Variants in ZFHX3 observed in about 807,000 individuals in gnomAD.
ZFHX3 encodes the protein zinc finger homeobox protein 3.
Under a neutral mutation model 279.1 loss-of-function variants are expected in ZFHX3, and 42 were observed. The ratio of observed to expected loss-of-function variants is 0.15; its 90% CI spans 0.12 to 0.19. The LOEUF is 0.19. Among genes scored for constraint, ZFHX3 ranks in the 10% least tolerant of loss-of-function variants. ZFHX3 has a pLI of 1.00. For missense variants in ZFHX3, 4,981 were observed against 4,754.0 expected (o/e 1.05, Z -1.40); for synonymous variants, 2,293 against 1,957.8 (o/e 1.17, Z -4.52).
At position 72,796,707 on chromosome 16, in the gene ZFHX3, A is replaced by T; in HGVS notation, c.5975T>A (p.Phe1992Tyr). 3.7e-6 allele frequency: 6 copies of T among 1,613,844 alleles called. No homozygotes were observed. Among genetic ancestry groups the T allele is most frequent in the Non-Finnish European group, 5.1e-6 (6 of 1,179,964 alleles). The change falls in exon 9 of 10, where the codon TTT becomes TAT. Residue 1992 changes from phenylalanine to tyrosine, a missense_variant. Phe to Tyr is a conservative substitution (Grantham distance 22, BLOSUM62 3). Coordinates refer to ENST00000268489, the MANE Select transcript of ZFHX3 (RefSeq NM_006885.4). The part of the protein sequence containing the change: ...KLECDSCGKL[F>Y]SNILILKSHQ... Reference sequence around the variant, plus strand: ...ACTCTTTAAAATCAAGATGTTGGAAAACAACTTGCCGCAGGAGTCACACTC... The same window carrying T: ...ACTCTTTAAAATCAAGATGTTGGAATACAACTTGCCGCAGGAGTCACACTC...
chr16:73,522,253 G>A (rs1567508633), intron 2 of ZFHX3, among the ~76,000 whole-genome samples: 2 of 152,178 alleles, frequency 1.3e-5, no homozygotes, highest in African/African-American at 4.8e-5. Flanking sequence ...TTACAACCAT[G>A]GCTGGAAAAA....
intron 3 of ZFHX3, among the ~76,000 whole-genome samples, chr16:72,921,861 C>A (rs1213360614): frequency 3.3e-5 from 5 of 152,162 alleles, no homozygotes; most frequent in Non-Finnish European, 7.4e-5. Flanking sequence ...GCAGGCAGTA[C>A]CCCAGGCAAG....
At chr16:73,485,157 G>C (rs1221014725) in intron 2 of ZFHX3, among the ~76,000 whole-genome samples, 1 of 152,126 alleles carries the variant, frequency 6.6e-6, no homozygotes, top group Admixed American at 6.5e-5. Flanking sequence ...TCAAATAGAG[G>C]GTTGAAAAAT....
At chr16:73,861,945 G>A (rs902978639) in intron 1 of ZFHX3, among the ~76,000 whole-genome samples, 7 of 152,140 alleles carry the variant, frequency 4.6e-5, no homozygotes, top group Admixed American at 1.3e-4. Context: ...TTCTGCAGTC[G>A]TCACATCTCA....
intron 2 of ZFHX3, among the ~76,000 whole-genome samples, chr16:73,569,891 T>A (rs916907859): frequency 6.6e-6 from 1 of 151,246 alleles, no homozygotes; most frequent in African/African-American, 2.4e-5. Flanking sequence ...AAGAACAAAC[T>A]GATCATTTAC....
chr16:73,002,234 T>C (rs1217985167), intron 1 of ZFHX3, among the ~76,000 whole-genome samples: 1 of 152,170 alleles, frequency 6.6e-6, no homozygotes, highest in African/African-American at 2.4e-5. Flanking sequence ...TCAAACATGC[T>C]GAACAAGCTT....
At chr16:72,955,208 C>G (rs1200781945) in intron 2 of ZFHX3, among the ~76,000 whole-genome samples, 1 of 152,158 alleles carries the variant, frequency 6.6e-6, no homozygotes, top group South Asian at 2.1e-4. Flanking sequence ...AGGGACTCCC[C>G]GTGGCCGACA....
intron 4 of ZFHX3, among the ~76,000 whole-genome samples, chr16:73,274,146 GA>G (rs970934476): frequency 4.0e-5 from 6 of 150,776 alleles, no homozygotes; most frequent in South Asian, 4.2e-4. Flanking sequence ...TCTGTCTCAG[GA>G]AAAAAAAAGT....
chr16:73,518,239 G>A (rs956419854), intron 2 of ZFHX3, among the ~76,000 whole-genome samples: 2 of 152,232 alleles, frequency 1.3e-5, no homozygotes, highest in African/African-American at 2.4e-5. Context: ...GCCTTCTTTC[G>A]CTGGACTACT....
intron 2 of ZFHX3, among the ~76,000 whole-genome samples, chr16:73,479,335 C>T (rs966609521): frequency 2.0e-5 from 3 of 152,204 alleles, no homozygotes; most frequent in African/African-American, 7.2e-5. Flanking sequence ...CCATTCCAGG[C>T]TCTTCTGCCT....
chr16:73,453,432 A>G (rs1270564923), intron 3 of ZFHX3, among the ~76,000 whole-genome samples: 1 of 152,200 alleles, frequency 6.6e-6, no homozygotes, highest in Non-Finnish European at 1.5e-5. Context: ...GAGAATGTTA[A>G]CTGCCTTGTG....
chr16:73,454,705 C>T (rs2018341834), intron 3 of ZFHX3, among the ~76,000 whole-genome samples: 1 of 152,104 alleles, frequency 6.6e-6, no homozygotes, highest in Admixed American at 6.5e-5. Context: ...TCTCCCCCAC[C>T]CACCCAATAA....
intron 1 of ZFHX3, among the ~76,000 whole-genome samples, chr16:72,985,104 C>T (rs1465027868): frequency 6.6e-6 from 1 of 152,130 alleles, no homozygotes; most frequent in Non-Finnish European, 1.5e-5. Flanking sequence ...CTTAATACTA[C>T]GTAATCTCGA....
At chr16:73,140,246 G>A (rs186799865) in intron 6 of ZFHX3, among the ~76,000 whole-genome samples, 1 of 152,176 alleles carries the variant, frequency 6.6e-6, no homozygotes, top group African/African-American at 2.4e-5. Context: ...GGGAGACAGA[G>A]TGAAACCCTG....
At chr16:73,266,190 TG>T in intron 4 of ZFHX3, among the ~76,000 whole-genome samples, 1 of 152,344 alleles carries the variant, frequency 6.6e-6, no homozygotes. Flanking sequence ...GCTCACCGCC[TG>T]TATCCAGTGG....
intron 1 of ZFHX3, among the ~76,000 whole-genome samples, chr16:73,761,974 T>C (rs975503711): frequency 1.3e-5 from 2 of 151,892 alleles, no homozygotes; most frequent in Non-Finnish European, 2.9e-5. Flanking sequence ...AAAACCAAAC[T>C]TGACAAATGG....
intron 3 of ZFHX3, among the ~76,000 whole-genome samples, chr16:73,387,968 G>A (rs2016934649): frequency 6.6e-6 from 1 of 151,996 alleles, no homozygotes; most frequent in Admixed American, 6.6e-5. Flanking sequence ...TGAAGATGGA[G>A]AGAATGAGTG....
intron 5 of ZFHX3, among the ~76,000 whole-genome samples, chr16:73,220,964 T>C (rs1328505876): frequency 1.3e-5 from 2 of 152,138 alleles, no homozygotes; most frequent in Non-Finnish European, 2.9e-5. Flanking sequence ...ATCTCTGGGC[T>C]TATCCTATAT....
intron 2 of ZFHX3, among the ~76,000 whole-genome samples, chr16:73,656,695 C>T (rs8059270): frequency 0.95 from 144,772 of 152,334 alleles, 68,904 homozygotes; most frequent in East Asian, 0.98. Context: ...CATTATCTAG[C>T]TTATAATTTT....
Sources: allele counts gnomAD v4.1 joint callset (sites outside exome capture counted in the v4.1 genomes callset), GRCh38; gene constraint gnomAD v4.1.1; transcripts MANE v1.5; gene names NCBI Gene and HGNC (gene_info 2026-07-23, HGNC 2026-07-21).